Variants in USP9X observed in about 807,000 individuals in gnomAD.
USP9X encodes the protein ubiquitin specific peptidase 9 X-linked, also known as ubiquitin carboxyl-terminal hydrolase 9X.
In USP9X, 7 loss-of-function variants were observed where a neutral mutation model predicts 190.3. That is an observed-to-expected ratio of 0.04 (90% CI 0.02 to 0.07). The LOEUF (loss-of-function observed/expected upper bound fraction) is 0.07, where lower values mean the gene tolerates loss of function less well. Among genes scored for constraint, USP9X ranks in the 10% least tolerant of loss-of-function variants. The pLI is 1.00. For missense variants in USP9X, 1,010 were observed against 1,916.9 expected, an observed-to-expected ratio of 0.53 and a Z score of 8.83; for synonymous variants, 645 against 659.5, an observed-to-expected ratio of 0.98 and a Z score of 0.34.
intron 11 of USP9X, among the ~76,000 whole-genome samples, chrX:41,147,963 G>A (rs964413985): frequency 1.3e-4 from 14 of 110,643 alleles, no homozygotes; most frequent in African/African-American, 4.3e-4. Flanking sequence ...GTTTTGGGGG[G>A]GACATTCGAA....
chrX:41,159,496 G>A (rs1382619361), intron 14 of USP9X, among the ~76,000 whole-genome samples: 2 of 110,826 alleles, frequency 1.8e-5, no homozygotes, highest in Non-Finnish European at 1.9e-5. Context: ...GAAAAAGTCT[G>A]TCAGAAAAAT....
At chrX:41,140,162 G>A (rs970634697) in intron 6 of USP9X, among the ~76,000 whole-genome samples, 8 of 111,733 alleles carry the variant, frequency 7.2e-5, no homozygotes, top group African/African-American at 2.6e-4. Context: ...ACTAGTACCA[G>A]ACCTTAGTTT....
intron 21 of USP9X, among the ~76,000 whole-genome samples, chrX:41,183,095 C>T (rs1308097500): frequency 2.7e-5 from 3 of 109,989 alleles, no homozygotes; most frequent in East Asian, 2.8e-4. Flanking sequence ...CATGCCACCA[C>T]GCCCGGCTGG....
intron 1 of USP9X, among the ~76,000 whole-genome samples, chrX:41,091,947 C>A (rs963446524): frequency 1.8e-5 from 2 of 111,885 alleles, no homozygotes; most frequent in African/African-American, 6.5e-5. Flanking sequence ...TTACAGAGCA[C>A]CTAGAATAAT....
intron 25 of USP9X, among the ~76,000 whole-genome samples, chrX:41,188,952 A>G (rs1258895547): frequency 4.5e-5 from 5 of 112,161 alleles, no homozygotes; most frequent in African/African-American, 1.6e-4. Flanking sequence ...TAGGCAAGCA[A>G]CATAATGGAA....
In USP9X at chrX:41,189,368, A is replaced by G. The variant is rs761786011; in HGVS notation, c.3870A>G (p.Glu1290=). 8 of 1,210,330 alleles carry G rather than the reference A, an allele frequency of 6.6e-6. No individual in the cohort carries two copies. The highest frequency in any genetic ancestry group is 7.8e-6 in the Non-Finnish European group (7 of 894,922). The part of the protein sequence containing the change: ...EDEQVCCEAL[E]VMTLCFALIP... Reference sequence around the variant, plus strand: ...AACAGGTTTGCTGTGAAGCATTGGAAGTGATGACCTTATGTTTTGCCTTGA... The same window carrying G: ...AACAGGTTTGCTGTGAAGCATTGGAGGTGATGACCTTATGTTTTGCCTTGA... Residue 1290 remains glutamate (E), a synonymous_variant, in exon 26 of 45, where the codon GAA becomes GAG. Coordinates refer to ENST00000378308, the MANE Select transcript of USP9X (RefSeq NM_001039591.3).
At chrX:41,124,277 C>G (rs1438303931) in intron 2 of USP9X, among the ~76,000 whole-genome samples, 1 of 110,138 alleles carries the variant, frequency 9.1e-6, no homozygotes, top group Non-Finnish European at 1.9e-5. Context: ...AACCCCATCT[C>G]TACTAAAAAA....
chrX:41,166,335 G>A (rs1184776995), intron 16 of USP9X, 121 bp downstream of exon 16: 4 of 562,032 alleles, frequency 7.1e-6, no homozygotes, highest in South Asian at 4.1e-5. Context: ...GGAATTTGGT[G>A]TAGTTAGGAA....
chrX:41,117,509 CTA>C (rs1432813889), intron 1 of USP9X, among the ~76,000 whole-genome samples: 2 of 109,127 alleles, frequency 1.8e-5, no homozygotes, highest in Admixed American at 2.0e-4. Flanking sequence ...AGTGAGTACT[CTA>C]TATATACAAT....
chrX:41,218,806 G>A (rs1024941923), intron 37 of USP9X, among the ~76,000 whole-genome samples: 7 of 112,280 alleles, frequency 6.2e-5, no homozygotes, highest in Non-Finnish European at 1.3e-4. Context: ...AATTTTCTCT[G>A]TTCGGTTACA....
At chrX:41,140,807 G>A (rs184691424) in intron 7 of USP9X, 36 bp downstream of exon 7, 221 of 1,119,833 alleles carry the variant, frequency 2.0e-4, no homozygotes, top group Non-Finnish European at 2.6e-4. Context: ...TTAGTGCACC[G>A]TAGAATTGCT....
At chrX:41,126,370 T>G (rs1473428117) in intron 2 of USP9X, among the ~76,000 whole-genome samples, 1 of 112,057 alleles carries the variant, frequency 8.9e-6, no homozygotes, top group South Asian at 3.7e-4. Flanking sequence ...AGGTTTGAGT[T>G]GGATGCTAAA....
At chrX:41,107,116 C>T (rs1432629352) in intron 1 of USP9X, among the ~76,000 whole-genome samples, 6 of 108,808 alleles carry the variant, frequency 5.5e-5, no homozygotes, top group Non-Finnish European at 7.6e-5. Flanking sequence ...GAACTCCTGA[C>T]CTCGTGATCC....
At chrX:41,087,319 T>G (rs2061920649) in intron 1 of USP9X, among the ~76,000 whole-genome samples, 1 of 112,107 alleles carries the variant, frequency 8.9e-6, no homozygotes, top group South Asian at 3.7e-4. Context: ...ATTAGGAAAC[T>G]TTCCAGCAGG....
chrX:41,228,478 C>T (rs1021789398), intron 41 of USP9X, among the ~76,000 whole-genome samples: 6 of 111,778 alleles, frequency 5.4e-5, no homozygotes, highest in African/African-American at 2.0e-4. Flanking sequence ...AAATGCTTTG[C>T]CTGCCATGTA....
intron 13 of USP9X, among the ~76,000 whole-genome samples, chrX:41,151,874 G>A (rs1054386923): frequency 1.2e-4 from 14 of 112,439 alleles, no homozygotes; most frequent in Non-Finnish European, 1.5e-4. Context: ...CCAGTTACTC[G>A]GGAAGCTGAG....
intron 1 of USP9X, among the ~76,000 whole-genome samples, chrX:41,101,460 G>T (rs1321271133): frequency 1.8e-5 from 2 of 109,937 alleles, no homozygotes; most frequent in Non-Finnish European, 1.9e-5. Context: ...GGTGGCACAT[G>T]CCCGTAGTCC....
chrX:41,121,252 G>A (rs750596480), intron 1 of USP9X, among the ~76,000 whole-genome samples: 19 of 111,575 alleles, frequency 1.7e-4, no homozygotes, highest in East Asian at 2.8e-4. Context: ...TAAAATGTAC[G>A]TCAACTTTTT....
At chrX:41,101,942 A>G (rs766970176) in intron 1 of USP9X, among the ~76,000 whole-genome samples, 20 of 112,090 alleles carry the variant, frequency 1.8e-4, no homozygotes, top group Non-Finnish European at 3.4e-4. Flanking sequence ...CTCATATCAC[A>G]TGATGCCATT....
Sources: allele counts gnomAD v4.1 joint callset (sites outside exome capture counted in the v4.1 genomes callset), GRCh38; gene constraint gnomAD v4.1.1; transcripts MANE v1.5; gene names NCBI Gene and HGNC (gene_info 2026-07-23, HGNC 2026-07-21).